GRIK2: variants seen among roughly 807,000 people sequenced by gnomAD.
GRIK2 encodes the protein glutamate ionotropic receptor kainate type subunit 2.
GRIK2 carries 32 observed loss-of-function variants against 100.3 expected under a neutral mutation model. That is an observed-to-expected ratio of 0.32 (90% CI 0.24 to 0.43). GRIK2 has a LOEUF of 0.43. GRIK2 is among the 20% of genes least tolerant of loss of function. The pLI is 1.00. For missense variants in GRIK2, 843 were observed against 1,114.9 expected (o/e 0.76, Z 3.47); for synonymous variants, 417 against 389.4 (o/e 1.07, Z -0.83).
chr6:101,696,213 G>A (rs1173684773), intron 7 of GRIK2, among the ~76,000 whole-genome samples: 1 of 151,590 alleles, frequency 6.6e-6, no homozygotes, highest in Non-Finnish European at 1.5e-5. Context: ...GCTTTTTTTA[G>A]TCATGTTCAA....
At chr6:102,062,403 C>T (rs757825135) in intron 16 of GRIK2, among the ~76,000 whole-genome samples, 3 of 150,272 alleles carry the variant, frequency 2.0e-5, no homozygotes, top group Non-Finnish European at 3.0e-5. Context: ...ATAAAGCTTT[C>T]ATAGATGGAA....
intron 2 of GRIK2, among the ~76,000 whole-genome samples, chr6:101,454,549 A>C (rs1470168379): frequency 6.6e-6 from 1 of 152,114 alleles, no homozygotes; most frequent in Non-Finnish European, 1.5e-5. Context: ...CTCAGATTTC[A>C]ACATAGGAGA....
chr6:102,031,129 C>CACACACACACA (rs1554194473), intron 14 of GRIK2, among the ~76,000 whole-genome samples: 3 of 52,916 alleles, frequency 5.7e-5, no homozygotes, highest in Non-Finnish European at 1.1e-4. Context: ...ACACACACAC[C>CACACACACACA]CCCTTTGAGT....
At chr6:101,739,933 C>G (rs1386144407) in intron 7 of GRIK2, among the ~76,000 whole-genome samples, 2 of 151,990 alleles carry the variant, frequency 1.3e-5, no homozygotes, top group African/African-American at 4.8e-5. Context: ...CATGATCATC[C>G]CCCACCCTCA....
intron 12 of GRIK2, among the ~76,000 whole-genome samples, chr6:101,891,973 A>G (rs1787129841): frequency 6.6e-6 from 1 of 152,208 alleles, no homozygotes; most frequent in African/African-American, 2.4e-5. Flanking sequence ...TTCAGTGCCT[A>G]GAAAACTCTT....
chr6:101,940,175 C>T (rs993605261), intron 14 of GRIK2, among the ~76,000 whole-genome samples: 2 of 152,178 alleles, frequency 1.3e-5, no homozygotes, highest in South Asian at 4.1e-4. Flanking sequence ...AGAAATATGT[C>T]TGCCTTTGAA....
chr6:101,596,068 C>T (rs1778916107), intron 2 of GRIK2, among the ~76,000 whole-genome samples: 2 of 150,920 alleles, frequency 1.3e-5, no homozygotes, highest in African/African-American at 4.9e-5. Context: ...GTTCTAGCCT[C>T]ATGAATCACA....
At chr6:101,396,297 C>T (rs1343887766) in intron 1 of GRIK2, among the ~76,000 whole-genome samples, 2 of 147,874 alleles carry the variant, frequency 1.4e-5, no homozygotes, top group Non-Finnish European at 3.0e-5. Context: ...GAATTAATCT[C>T]ATTACCCTAG....
intron 15 of GRIK2, among the ~76,000 whole-genome samples, chr6:102,040,078 A>G (rs1770485206): frequency 6.6e-6 from 1 of 151,540 alleles, no homozygotes; most frequent in Non-Finnish European, 1.5e-5. Context: ...TAATTATTTA[A>G]CAGTGAGTAA....
intron 14 of GRIK2, among the ~76,000 whole-genome samples, chr6:101,978,700 A>G (rs1298474752): frequency 1.3e-5 from 2 of 151,984 alleles, no homozygotes; most frequent in African/African-American, 4.8e-5. Flanking sequence ...GTTGAATTAA[A>G]CAATGTCAGT....
At chr6:101,898,594 C>A (rs924809219) in intron 12 of GRIK2, among the ~76,000 whole-genome samples, 1 of 151,702 alleles carries the variant, frequency 6.6e-6, no homozygotes, top group African/African-American at 2.4e-5. Context: ...ACATTAGCAA[C>A]CAAATGTGTA....
intron 7 of GRIK2, among the ~76,000 whole-genome samples, chr6:101,763,824 CGTTTTTTT>C (rs138103088): frequency 0.028 from 4,238 of 151,774 alleles, 207 homozygotes; most frequent in African/African-American, 0.096. Context: ...AGAGGCCATG[CGTTTTTTT>C]GTTTTTTTGT....
intron 4 of GRIK2, among the ~76,000 whole-genome samples, chr6:101,656,501 T>C (rs899794334): frequency 6.6e-6 from 1 of 152,168 alleles, no homozygotes; most frequent in Non-Finnish European, 1.5e-5. Context: ...ATAATTCTAC[T>C]GCCCAAACAT....
chr6:101,399,031 G>T lies in GRIK2; in HGVS notation c.-247G>T, dbSNP rs979203845. ...GGGTGTGCGTGCTGGATTTCTCCCGGATGCTCTCCGACTAACATGGATGTC... is the reference window on the plus strand; with the variant it reads ...GGGTGTGCGTGCTGGATTTCTCCCGTATGCTCTCCGACTAACATGGATGTC... On this transcript the variant is annotated 5_prime_UTR_variant, in exon 2 of 17. Coordinates refer to ENST00000369134, the MANE Select transcript of GRIK2 (RefSeq NM_021956.5). The T allele has an allele frequency of 4.5e-6, 2 of 447,364 alleles. No homozygotes were observed. The highest frequency in any genetic ancestry group is 4.1e-5 in the Admixed American group (1 of 24,492). The allele number at this position is 447,364 out of a possible 1,614,324, so 27.7% of individuals were successfully genotyped here.
intron 10 of GRIK2, among the ~76,000 whole-genome samples, chr6:101,822,321 T>C (rs1782010266): frequency 6.7e-6 from 1 of 149,020 alleles, no homozygotes. Context: ...TAATTTTGAG[T>C]TATACTAGAT....
At chr6:101,572,489 T>C (rs1354391103) in intron 2 of GRIK2, among the ~76,000 whole-genome samples, 1 of 152,126 alleles carries the variant, frequency 6.6e-6, no homozygotes, top group Non-Finnish European at 1.5e-5. Context: ...CCAAATTCAA[T>C]TTATGATTAA....
At chr6:101,936,531 T>C (rs1206790492) in intron 14 of GRIK2, among the ~76,000 whole-genome samples, 1 of 152,110 alleles carries the variant, frequency 6.6e-6, no homozygotes, top group East Asian at 1.9e-4. Context: ...AGTAAGGAAG[T>C]TATTTTTACT....
chr6:101,457,403 A>G (rs1297137000), intron 2 of GRIK2, among the ~76,000 whole-genome samples: 1 of 152,144 alleles, frequency 6.6e-6, no homozygotes, highest in East Asian at 1.9e-4. Flanking sequence ...ACAGGATGAT[A>G]CCAAATGCAA....
chr6:101,659,010 G>A (rs1158497196), intron 4 of GRIK2, among the ~76,000 whole-genome samples: 1 of 152,118 alleles, frequency 6.6e-6, no homozygotes, highest in Admixed American at 6.5e-5. Flanking sequence ...CTGTTTCTGG[G>A]CAGAAGCTGT....
Sources: gnomAD v4.1 joint callset for allele counts (sites outside exome capture counted in the v4.1 genomes callset) on GRCh38, gnomAD v4.1.1 for gene constraint, MANE v1.5 for transcripts, NCBI Gene and HGNC (gene_info 2026-07-23, HGNC 2026-07-21) for gene names.